TRDN: variants seen among roughly 807,000 people sequenced by gnomAD.
The protein encoded by TRDN is triadin.
A neutral mutation model predicts 149.7 loss-of-function variants in TRDN; 161 were observed. The observed-to-expected ratio is 1.08, with a 90% confidence interval of 0.95 to 1.23. TRDN has a LOEUF of 1.23. Among genes scored for constraint, TRDN ranks in the 50% most tolerant of loss-of-function variants. The pLI is 0.00. For synonymous variants in TRDN, 294 were observed against 250.5 expected (o/e 1.17, Z -1.64); for missense variants, 896 against 823.5 (o/e 1.09, Z -1.08).
At chr6:123,598,435 A>T (rs1256815778) in intron 1 of TRDN, among the ~76,000 whole-genome samples, 1 of 152,092 alleles carries the variant, frequency 6.6e-6, no homozygotes, top group African/African-American at 2.4e-5. Flanking sequence ...AAGATTGCAC[A>T]CTACGTTTAA....
chr6:123,350,418 A>G (rs1780417358), intron 21 of TRDN: 1 of 647,794 alleles, frequency 1.5e-6, no homozygotes, highest in Non-Finnish European at 1.9e-6. Context: ...CACATGTTTA[A>G]ACAAATAAAT....
At chr6:123,506,227 G>C (rs957231390) in intron 7 of TRDN, among the ~76,000 whole-genome samples, 2 of 152,066 alleles carry the variant, frequency 1.3e-5, no homozygotes, top group African/African-American at 4.8e-5. Context: ...CTAGTTGCTG[G>C]AGCTCTAAAA....
At chr6:123,636,290 A>G (rs182014095) in intron 1 of TRDN, among the ~76,000 whole-genome samples, 167 of 152,142 alleles carry the variant, frequency 1.1e-3, no homozygotes, top group African/African-American at 4.0e-3. Context: ...TAAGGTCTCC[A>G]TTTAAAAATA....
intron 9 of TRDN, chr6:123,469,069 T>G (rs1288430247): frequency 2.0e-5 from 3 of 152,216 alleles, no homozygotes; most frequent in Non-Finnish European, 4.4e-5. Flanking sequence ...TGACTAAAAG[T>G]AAAGTGAGAA....
intron 24 of TRDN, among the ~76,000 whole-genome samples, chr6:123,291,092 G>C (rs1044745131): frequency 1.3e-5 from 2 of 152,064 alleles, no homozygotes; most frequent in Non-Finnish European, 1.5e-5. Flanking sequence ...AAGAGGCAGA[G>C]GTTTCAGTGA....
At chr6:123,316,928 T>C (rs886869320) in intron 23 of TRDN, among the ~76,000 whole-genome samples, 3 of 151,782 alleles carry the variant, frequency 2.0e-5, no homozygotes, top group African/African-American at 7.2e-5. Context: ...GGGCTCCACC[T>C]AGTGGTTAAT....
At chr6:123,491,031 G>A (rs540184702) in intron 9 of TRDN, among the ~76,000 whole-genome samples, 39 of 151,924 alleles carry the variant, frequency 2.6e-4, no homozygotes, top group Non-Finnish European at 4.4e-4. Context: ...GCTTGAACCC[G>A]GGAGGCAGAG....
intron 8 of TRDN, chr6:123,498,573 T>C (rs561816775): frequency 2.1e-6 from 1 of 471,144 alleles, no homozygotes; most frequent in East Asian, 7.0e-5. Flanking sequence ...CCTCAGGTCA[T>C]TCCATGCATT....
intron 8 of TRDN, among the ~76,000 whole-genome samples, chr6:123,499,719 A>AAAAAAAAAATATATAT: frequency 2.1e-5 from 1 of 47,678 alleles, no homozygotes; most frequent in Non-Finnish European, 4.5e-5. Flanking sequence ...AAAAAAAAAA[A>AAAAAAAAAATATATAT]ATATATATAT....
At chr6:123,461,372 T>C (rs757871233) in intron 10 of TRDN, among the ~76,000 whole-genome samples, 3 of 152,318 alleles carry the variant, frequency 2.0e-5, no homozygotes, top group East Asian at 1.9e-4. Flanking sequence ...CAACAAGATA[T>C]AGGGTACTTG....
intron 10 of TRDN, among the ~76,000 whole-genome samples, chr6:123,443,611 G>C (rs1775083481): frequency 6.6e-6 from 1 of 151,998 alleles, no homozygotes; most frequent in Non-Finnish European, 1.5e-5. Flanking sequence ...GCTAACAAGG[G>C]GAAATCCCGT....
intron 38 of TRDN, among the ~76,000 whole-genome samples, chr6:123,240,468 G>A (rs537011165): frequency 2.7e-4 from 41 of 149,350 alleles, no homozygotes; most frequent in African/African-American, 4.9e-4. Flanking sequence ...CTGAAACAAC[G>A]TAAAAAAAAA....
At chr6:123,489,990 G>C (rs1778142460) in intron 9 of TRDN, among the ~76,000 whole-genome samples, 1 of 152,018 alleles carries the variant, frequency 6.6e-6, no homozygotes, top group Non-Finnish European at 1.5e-5. Context: ...AAAAGTGACA[G>C]AGGAAGATAT....
At chr6:123,586,880 A>G (rs888118121) in intron 1 of TRDN, among the ~76,000 whole-genome samples, 1 of 151,946 alleles carries the variant, frequency 6.6e-6, no homozygotes, top group African/African-American at 2.4e-5. Flanking sequence ...AGGTCAGGGC[A>G]TGGAAATAAG....
At chr6:123,450,673 A>G (rs1485793490) in intron 10 of TRDN, among the ~76,000 whole-genome samples, 1 of 152,152 alleles carries the variant, frequency 6.6e-6, no homozygotes, top group Non-Finnish European at 1.5e-5. Flanking sequence ...TACTCCACTG[A>G]CAGCACTAAA....
intron 21 of TRDN, chr6:123,352,014 T>C: frequency 2.0e-6 from 2 of 977,952 alleles, no homozygotes; most frequent in Non-Finnish European, 2.4e-6. Context: ...TTATGATTTA[T>C]AACACTGAAA....
chr6:123,341,880 G>A (rs9401659), intron 21 of TRDN, among the ~76,000 whole-genome samples: 28,020 of 151,788 alleles, frequency 0.18, 3,514 homozygotes, highest in East Asian at 0.63. Context: ...ATAAGAATGT[G>A]AAATAACAGC....
Position 123,579,042 on chromosome 6 carries a change from C to CA in TRDN, c.23-7911_23-7910insT, listed in dbSNP as rs1423005868. On this transcript the variant is annotated intron_variant, in intron 1 of 40. Coordinates refer to ENST00000334268, the MANE Select transcript of TRDN (RefSeq NM_006073.4). ...TGAAGTTGTTTATCAGCTTAAGGAG[C>CA]TTTCAGGCCAAGACTATTGATATTT... Among the ~76,000 whole-genome samples, 12 of 152,206 alleles carry CA rather than the reference C, an allele frequency of 7.9e-5. No individual in the cohort carries two copies. The East Asian group carries it at 1.9e-3, about 24-fold the overall frequency.
At chr6:123,221,944 G>A (rs1775163192) in intron 39 of TRDN, among the ~76,000 whole-genome samples, 2 of 151,608 alleles carry the variant, frequency 1.3e-5, no homozygotes, top group African/African-American at 4.8e-5. Context: ...TATGTTTTTC[G>A]TGATCATCCT....
Sources: allele counts gnomAD v4.1 joint callset (sites outside exome capture counted in the v4.1 genomes callset), GRCh38; gene constraint gnomAD v4.1.1; transcripts MANE v1.5; gene names NCBI Gene and HGNC (gene_info 2026-07-23, HGNC 2026-07-21).